Variants in SCN9A observed in about 807,000 individuals in gnomAD.
The protein encoded by SCN9A is sodium voltage-gated channel alpha subunit 9, also known as sodium channel protein type 9 subunit alpha.
In SCN9A, 131 loss-of-function variants were observed where a neutral mutation model predicts 187.0. That is an observed-to-expected ratio of 0.70 (90% CI 0.61 to 0.81). SCN9A has a LOEUF of 0.81. Ranked by LOEUF, SCN9A falls within the 30% of genes least tolerant of loss-of-function variation. The pLI is 0.00. For missense variants in SCN9A, 2,252 were observed against 2,396.6 expected (o/e 0.94, Z 1.26); for synonymous variants, 809 against 808.6 (o/e 1.00, Z -0.01).
At chr2:166,211,827 T>C (rs1694108991) in intron 24 of SCN9A, among the ~76,000 whole-genome samples, 1 of 151,282 alleles carries the variant, frequency 6.6e-6, no homozygotes, top group Non-Finnish European at 1.5e-5. Context: ...TATCATCCAA[T>C]CACAAAAGAA....
At chr2:166,311,868 A>G in intron 1 of SCN9A, 62 bp from the exon 2 acceptor site, 1 of 963,308 alleles carries the variant, frequency 1.0e-6, no homozygotes, top group East Asian at 2.5e-5. Context: ...CCCATTAAAA[A>G]CTAATAATAA....
chr2:166,370,232 A>ATC lies in SCN9A; in HGVS notation c.-51+5464_-51+5465insGA, dbSNP rs1553507732. Among the ~76,000 whole-genome samples the ATC allele has an allele frequency of 8.3e-3, 1,143 of 137,220 alleles. 8 individuals carry two copies. Among genetic ancestry groups the ATC allele is most frequent in the East Asian group, 0.016 (76 of 4,758 alleles). The allele number at this position is 137,220 out of a possible 152,430, so 90.0% of individuals were successfully genotyped here. On this transcript the variant is annotated intron_variant, in intron 1 of 26. Coordinates refer to ENST00000642356, the MANE Select transcript of SCN9A (RefSeq NM_001365536.1). ...TAATAATAATAATAATAATAATAAT[A>ATC]ATAATCATCATCATCATCATTAGAT...
At chr2:166,356,117 G>T (rs1192027491) in intron 1 of SCN9A, among the ~76,000 whole-genome samples, 1 of 152,070 alleles carries the variant, frequency 6.6e-6, no homozygotes, top group Non-Finnish European at 1.5e-5. Context: ...CTGAGGCTGG[G>T]TGAGGCTGCT....
At chr2:166,273,837 G>C (rs753465761) in intron 16 of SCN9A, among the ~76,000 whole-genome samples, 66 of 152,128 alleles carry the variant, frequency 4.3e-4, no homozygotes, top group Non-Finnish European at 7.2e-4. Flanking sequence ...TAACTGAAGA[G>C]AAGGTACTCA....
At chr2:166,360,168 G>A (rs1190320609) in intron 1 of SCN9A, among the ~76,000 whole-genome samples, 2 of 139,034 alleles carry the variant, frequency 1.4e-5, no homozygotes, top group African/African-American at 5.5e-5. Context: ...GTAGTGAGCT[G>A]AGATCGGGCC....
intron 24 of SCN9A, among the ~76,000 whole-genome samples, chr2:166,213,539 C>T (rs7572224): frequency 0.12 from 17,400 of 150,252 alleles, 1,302 homozygotes; most frequent in African/African-American, 0.21. Flanking sequence ...CAGGACCAGA[C>T]GGCTTCTCTG....
At chr2:166,210,864 A>G (rs1395486365) in intron 24 of SCN9A, among the ~76,000 whole-genome samples, 1 of 152,134 alleles carries the variant, frequency 6.6e-6, no homozygotes, top group Non-Finnish European at 1.5e-5. Context: ...GTTCAAGACC[A>G]GCCTGGCCAA....
chr2:166,349,789 A>G (rs1042728529), intron 1 of SCN9A, among the ~76,000 whole-genome samples: 3 of 152,058 alleles, frequency 2.0e-5, no homozygotes, highest in Non-Finnish European at 4.4e-5. Flanking sequence ...TCTGACCAAC[A>G]TGGAGAAACC....
intron 24 of SCN9A, among the ~76,000 whole-genome samples, chr2:166,223,937 A>G (rs557004981): frequency 1.3e-5 from 2 of 152,322 alleles, no homozygotes; most frequent in African/African-American, 4.8e-5. Flanking sequence ...GTCAGAAAAT[A>G]AAAGCTATAC....
In SCN9A at chr2:166,238,082, A is replaced by G. The variant is rs1466540026; in HGVS notation, c.3801+12T>C. 7 of 1,600,684 alleles carry G rather than the reference A, an allele frequency of 4.4e-6. No individual in the cohort carries two copies. On this transcript the variant is annotated intron_variant, in intron 20 of 26. Coordinates refer to ENST00000642356, the MANE Select transcript of SCN9A (RefSeq NM_001365536.1). ...ATAAATCCTCTTTTAAAATGTACTC[A>G]AAAGTACCTACATCAACAATTAGGA...
chr2:166,331,780 GTTTAT>G (rs2105265074), intron 1 of SCN9A, among the ~76,000 whole-genome samples: 1 of 152,154 alleles, frequency 6.6e-6, no homozygotes, highest in East Asian at 1.9e-4. Flanking sequence ...TATAATTTCT[GTTTAT>G]TTTATTGCTC....
intron 1 of SCN9A, among the ~76,000 whole-genome samples, chr2:166,318,027 T>C (rs1699148666): frequency 6.6e-6 from 1 of 152,174 alleles, no homozygotes; most frequent in African/African-American, 2.4e-5. Flanking sequence ...GATTAATCCA[T>C]GGATTATTTA....
At chr2:166,314,772 A>T (rs1221452385) in intron 1 of SCN9A, among the ~76,000 whole-genome samples, 4 of 152,204 alleles carry the variant, frequency 2.6e-5, no homozygotes, top group Admixed American at 6.5e-5. Context: ...CAAAATGTAG[A>T]GTATTTTTTG....
At chr2:166,340,576 TTCTTTC>T (rs1699752518) in intron 1 of SCN9A, among the ~76,000 whole-genome samples, 1 of 83,944 alleles carries the variant, frequency 1.2e-5, no homozygotes, top group Admixed American at 1.1e-4. Flanking sequence ...CTTTCTTTCT[TTCTTTC>T]TTTCTTTCTT....
chr2:166,305,533 T>C (rs549801876), intron 5 of SCN9A, among the ~76,000 whole-genome samples: 3 of 152,264 alleles, frequency 2.0e-5, no homozygotes, highest in East Asian at 3.9e-4. Context: ...TGGCACTGCA[T>C]AGACTATCCA....
intron 20 of SCN9A, among the ~76,000 whole-genome samples, chr2:166,235,166 G>T (rs1695259808): frequency 6.6e-6 from 1 of 152,084 alleles, no homozygotes; most frequent in Non-Finnish European, 1.5e-5. Context: ...AGCAATAAAA[G>T]GTAGACTAAG....
chr2:166,342,016 T>G (rs1699798076), intron 1 of SCN9A, among the ~76,000 whole-genome samples: 1 of 152,346 alleles, frequency 6.6e-6, no homozygotes, highest in Middle Eastern at 3.4e-3. Context: ...CTTGTGTTTC[T>G]GCATGTGTGG....
chr2:166,235,348 G>A (rs755420509), intron 20 of SCN9A, among the ~76,000 whole-genome samples: 22 of 151,946 alleles, frequency 1.4e-4, no homozygotes, highest in Non-Finnish European at 2.1e-4. Flanking sequence ...AAACACACAC[G>A]TATATATACA....
chr2:166,366,918 C>T (rs1056397270), intron 1 of SCN9A, among the ~76,000 whole-genome samples: 1 of 151,946 alleles, frequency 6.6e-6, no homozygotes, highest in African/African-American at 2.4e-5. Context: ...ATTAGTTTTC[C>T]AAAACTGTTT....
Sources: allele counts gnomAD v4.1 joint callset (sites outside exome capture counted in the v4.1 genomes callset), GRCh38; gene constraint gnomAD v4.1.1; transcripts MANE v1.5; gene names NCBI Gene and HGNC (gene_info 2026-07-23, HGNC 2026-07-21).